The following MAST4 variants were observed in gnomAD, a reference collection of about 807,000 sequenced individuals.
MAST4 encodes microtubule-associated serine/threonine-protein kinase 4.
In MAST4, 89 loss-of-function variants were observed where a neutral mutation model predicts 162.7. The observed-to-expected ratio is 0.55, with a 90% CI of 0.46 to 0.65. The LOEUF is 0.65. Among genes scored for constraint, MAST4 ranks in the 30% least tolerant of loss-of-function variants. MAST4 has a pLI of 0.00. For synonymous variants in MAST4, 1,479 were observed against 1,361.1 expected (o/e 1.09, Z -1.91); for missense variants, 3,153 against 3,374.0 (o/e 0.93, Z 1.62).
At chr5:66,933,197 A>G (rs1419161241) in intron 4 of MAST4, among the ~76,000 whole-genome samples, 1 of 152,132 alleles carries the variant, frequency 6.6e-6, no homozygotes, top group Non-Finnish European at 1.5e-5. Context: ...TAAACTCCCT[A>G]TGCCTTCATT....
Position 67,165,829 on chromosome 5 carries a change from C to G in MAST4, c.6650C>G (p.Pro2217Arg), listed in dbSNP as rs1240623873. 2 of 1,613,028 alleles carry G rather than the reference C, an allele frequency of 1.2e-6. No homozygotes were observed. Among genetic ancestry groups the G allele is most frequent in the African/African-American group, 2.7e-5 (2 of 75,066 alleles). Reference sequence around the variant, plus strand: ...GACCGGTCCCTCTCCTCTCAGAAACCAAGTGTCGGGGCCACAAAGGGCAAA... The same window carrying G: ...GACCGGTCCCTCTCCTCTCAGAAACGAAGTGTCGGGGCCACAAAGGGCAAA... ...HPDRSLSSQK[P>R]SVGATKGKEP... The change falls in exon 29 of 29, where the codon CCA (proline) becomes CGA (arginine). Residue 2217 changes from proline (P) to arginine (R), a missense_variant. Coordinates refer to ENST00000403625, the MANE Select transcript of MAST4 (RefSeq NM_001164664.2).
At chr5:67,087,004 A>G (rs1763314851) in intron 5 of MAST4, among the ~76,000 whole-genome samples, 1 of 152,354 alleles carries the variant, frequency 6.6e-6, no homozygotes, top group South Asian at 2.1e-4. Flanking sequence ...TTTATTTCAA[A>G]TAAGAACAAA....
At chr5:66,855,300 TCCTTCA>T (rs1759597296) in intron 3 of MAST4, among the ~76,000 whole-genome samples, 1 of 152,162 alleles carries the variant, frequency 6.6e-6, no homozygotes, top group Non-Finnish European at 1.5e-5. Context: ...CTCCTGCTCC[TCCTTCA>T]CCTTCCGCTA....
intron 3 of MAST4, among the ~76,000 whole-genome samples, chr5:66,800,786 A>T (rs1183983576): frequency 6.6e-6 from 1 of 152,226 alleles, no homozygotes; most frequent in Non-Finnish European, 1.5e-5. Flanking sequence ...ATTACACAGA[A>T]GATTACACAA....
chr5:67,024,852 C>A (rs980632781), intron 4 of MAST4, among the ~76,000 whole-genome samples: 1 of 150,652 alleles, frequency 6.6e-6, no homozygotes, highest in African/African-American at 2.4e-5. Flanking sequence ...TTATTTTTAG[C>A]TAAGGTCATC....
intron 26 of MAST4, among the ~76,000 whole-genome samples, chr5:67,159,479 C>A (rs942354856): frequency 2.6e-5 from 4 of 152,206 alleles, no homozygotes; most frequent in African/African-American, 9.7e-5. Context: ...TAACTCCCCC[C>A]AACTCCCCTT....
chr5:67,037,307 T>TG (rs1224152185), intron 4 of MAST4, among the ~76,000 whole-genome samples: 1 of 152,202 alleles, frequency 6.6e-6, no homozygotes, highest in Admixed American at 6.5e-5. Context: ...TCCCAGTTCT[T>TG]GGAGGGCAAG....
intron 4 of MAST4, chr5:67,005,017 T>G: frequency 2.6e-6 from 2 of 774,840 alleles, no homozygotes; most frequent in Non-Finnish European, 4.8e-6. Flanking sequence ...ACCCCAATTT[T>G]TGGACTGTGC....
At chr5:67,034,535 G>C (rs1006291300) in intron 4 of MAST4, among the ~76,000 whole-genome samples, 1 of 152,144 alleles carries the variant, frequency 6.6e-6, no homozygotes, top group Non-Finnish European at 1.5e-5. Context: ...TTCCTGAAAT[G>C]TCAGACACTG....
chr5:66,801,900 C>G (rs1473714195), intron 3 of MAST4, among the ~76,000 whole-genome samples: 1 of 152,092 alleles, frequency 6.6e-6, no homozygotes, highest in African/African-American at 2.4e-5. Flanking sequence ...GCTTGAAAAG[C>G]TGCAGAATTT....
intron 1 of MAST4, among the ~76,000 whole-genome samples, chr5:66,614,023 T>C (rs1359243583): frequency 6.6e-6 from 1 of 152,136 alleles, no homozygotes; most frequent in Non-Finnish European, 1.5e-5. Flanking sequence ...TGAAAATTAG[T>C]TTATAGCATG....
In MAST4 at chr5:67,041,348, C is replaced by T. The variant is rs1292789992; in HGVS notation, c.675-13056C>T. On this transcript the variant is annotated intron_variant, in intron 4 of 28. Coordinates refer to ENST00000403625, the MANE Select transcript of MAST4 (RefSeq NM_001164664.2). ...TGAAACCCACCAATTATACTTCTTA[C>T]TGGTACCTTCTTTCTATAACTAGGA... Among the ~76,000 whole-genome samples, 9 of 152,202 alleles carry T rather than the reference C, an allele frequency of 5.9e-5. No individual in the cohort carries two copies. In the South Asian group the frequency reaches 1.9e-3, roughly 31 times the overall value.
intron 1 of MAST4, among the ~76,000 whole-genome samples, chr5:66,642,480 CA>C (rs1232911203): frequency 3.9e-5 from 6 of 152,110 alleles, no homozygotes; most frequent in African/African-American, 1.4e-4. Context: ...AATTACTATT[CA>C]TTTTTTTAGG....
intron 1 of MAST4, among the ~76,000 whole-genome samples, chr5:66,636,158 G>A (rs970244478): frequency 2.6e-5 from 4 of 151,844 alleles, no homozygotes; most frequent in Non-Finnish European, 4.4e-5. Context: ...GGGTTTCACC[G>A]TGTTAGCCAG....
intron 4 of MAST4, among the ~76,000 whole-genome samples, chr5:67,032,136 C>T (rs1303153117): frequency 1.3e-5 from 2 of 152,080 alleles, no homozygotes; most frequent in Non-Finnish European, 2.9e-5. Flanking sequence ...GTGAATTATC[C>T]TGCTGTACCT....
At chr5:66,728,928 G>A (rs956121947) in intron 1 of MAST4, among the ~76,000 whole-genome samples, 1 of 152,178 alleles carries the variant, frequency 6.6e-6, no homozygotes, top group Non-Finnish European at 1.5e-5. Flanking sequence ...TTACCCTGAG[G>A]GGAGGAAGGA....
Position 67,049,020 on chromosome 5 carries a change from T to TACGTATATATATATAC in MAST4, c.675-5369_675-5368insCACGTATATATATATA, listed in dbSNP as rs1382368015. Reference sequence around the variant, plus strand: ...ATATATACACACACATATATATATATACGTATATATATATATATATACGTG... The same window carrying TACGTATATATATATAC: ...ATATATACACACACATATATATATATACGTATATATATATACACGTATATATATATATATATACGTG... On this transcript the variant is annotated intron_variant, in intron 4 of 28. Coordinates refer to ENST00000403625, the MANE Select transcript of MAST4 (RefSeq NM_001164664.2). Among the ~76,000 whole-genome samples the TACGTATATATATATAC allele has an allele frequency of 8.6e-3, 882 of 102,836 alleles. 18 individuals carry two copies. The highest frequency in any genetic ancestry group is 0.018 in the African/African-American group (431 of 24,528). The allele number at this position is 102,836 out of a possible 152,430, so 67.5% of individuals were successfully genotyped here.
chr5:66,975,977 G>A (rs1278925882), intron 4 of MAST4, among the ~76,000 whole-genome samples: 3 of 151,968 alleles, frequency 2.0e-5, no homozygotes, highest in Non-Finnish European at 2.9e-5. Context: ...CAGCCAGGGT[G>A]ACAGAGCTAG....
intron 3 of MAST4, among the ~76,000 whole-genome samples, chr5:66,827,237 T>C (rs1580551828): frequency 6.6e-6 from 1 of 152,198 alleles, no homozygotes; most frequent in East Asian, 1.9e-4. Context: ...GAATGACCAG[T>C]TTTTGTGCTG....
Sources: gnomAD v4.1 joint callset for allele counts (sites outside exome capture counted in the v4.1 genomes callset) on GRCh38, gnomAD v4.1.1 for gene constraint, MANE v1.5 for transcripts, NCBI Gene and HGNC (gene_info 2026-07-23, HGNC 2026-07-21) for gene names.